AFTPH: variants seen among roughly 807,000 people sequenced by gnomAD.
AFTPH encodes the protein aftiphilin, also known as aftiphilin protein.
Under a neutral mutation model 72.5 loss-of-function variants are expected in AFTPH, and 7 were observed. The ratio of observed to expected loss-of-function variants is 0.10; its 90% confidence interval spans 0.05 to 0.18. The LOEUF is 0.18. AFTPH is among the 10% of genes least tolerant of loss of function. The pLI is 1.00. For missense variants in AFTPH, 979 were observed against 1,060.5 expected (o/e 0.92, Z 1.07); for synonymous variants, 337 against 370.1 (o/e 0.91, Z 1.03).
chr2:64,589,020 C>T (rs559137691), intron 8 of AFTPH, among the ~76,000 whole-genome samples: 1 of 152,290 alleles, frequency 6.6e-6, no homozygotes, highest in East Asian at 1.9e-4. Context: ...GTTGTCTTTT[C>T]ATTATCTTGA....
At chr2:64,585,707 T>C (rs1288003654) in intron 8 of AFTPH, among the ~76,000 whole-genome samples, 162 bp downstream of exon 9, 1 of 152,216 alleles carries the variant, frequency 6.6e-6, no homozygotes, top group Non-Finnish European at 1.5e-5. Flanking sequence ...AAATTATGTT[T>C]AATTATGAAC....
chr2:64,567,121 G>C (rs943915097), intron 2 of AFTPH, among the ~76,000 whole-genome samples: 2 of 152,124 alleles, frequency 1.3e-5, no homozygotes, highest in African/African-American at 4.8e-5. Context: ...CAATCTTATT[G>C]TTCCTAAATC....
chr2:64,579,740 CAAATATAGGTAATA>C, intron 7 of AFTPH, 194 bp downstream of exon 7: 1 of 453,760 alleles, frequency 2.2e-6, no homozygotes, highest in South Asian at 6.0e-5. Context: ...TATTAATGTC[CAAATATAGGTAATA>C]GTAGTTAGGT....
At position 64,582,382 on chromosome 2, in the gene AFTPH, A is replaced by G. The variant is rs1029618201; in HGVS notation, c.2455+2836A>G. ...GCCCTTCTTGAGATCTGGTTATGCAAATCTGATTCTGCTGCAGGGAAGTTC... is the reference window on the plus strand; with the variant it reads ...GCCCTTCTTGAGATCTGGTTATGCAGATCTGATTCTGCTGCAGGGAAGTTC... On this transcript the variant is annotated intron_variant, in intron 7 of 8. Coordinates refer to ENST00000238856, the Ensembl canonical transcript of AFTPH. 2.0e-5 allele frequency among the ~76,000 whole-genome samples: 3 copies of G among 152,288 alleles called. No homozygotes were observed. In the East Asian group the frequency reaches 5.8e-4, roughly 29 times the overall value.
chr2:64,573,157 GT>G lies in AFTPH; in HGVS notation c.2394+93del, dbSNP rs879221125. 1.4e-5 allele frequency: 14 copies of G among 984,102 alleles called. No individual in the cohort carries two copies. The South Asian group carries it at 2.3e-4, about 16-fold the overall frequency. 61.0% of individuals were successfully genotyped at this position (984,102 alleles called of 1,614,324 possible). On this transcript the variant is annotated intron_variant, in intron 6 of 8. Coordinates refer to ENST00000238856, the Ensembl canonical transcript of AFTPH. ...CTGCCTTTTTCCTTCATTTATGACTGTTTTAAAAATATTTGTAAAGCTTGAT... is the reference window on the plus strand; with the variant it reads ...CTGCCTTTTTCCTTCATTTATGACTGTTTAAAAATATTTGTAAAGCTTGAT...
At chr2:64,587,127 AC>A (rs1343523654) in intron 8 of AFTPH, among the ~76,000 whole-genome samples, 3 of 152,218 alleles carry the variant, frequency 2.0e-5, no homozygotes, top group African/African-American at 7.2e-5. Flanking sequence ...CATCCTTGAA[AC>A]ATGCTGAATC....
chr2:64,571,807 T>G (rs1384593243), intron 5 of AFTPH, among the ~76,000 whole-genome samples: 1 of 152,238 alleles, frequency 6.6e-6, no homozygotes, highest in Admixed American at 6.5e-5. Flanking sequence ...ACAGTTTGAC[T>G]TTTTTCAGGC....
intron 8 of AFTPH, among the ~76,000 whole-genome samples, chr2:64,586,360 A>G (rs1386477879): frequency 6.6e-6 from 1 of 152,244 alleles, no homozygotes; most frequent in Non-Finnish European, 1.5e-5. Context: ...CTACTTTAAA[A>G]GAAGTGTTAT....
At chr2:64,551,553 G>C (rs760899077) in exon 2 of AFTPH, 7 of 1,613,992 alleles carry the variant, frequency 4.3e-6, no homozygotes, top group Non-Finnish European at 5.9e-6. Context: ...TGATGATGAT[G>C]AATTTGGGGA....
chr2:64,535,014 T>G (rs1226603912), intron 1 of AFTPH, among the ~76,000 whole-genome samples: 1 of 152,190 alleles, frequency 6.6e-6, no homozygotes, highest in East Asian at 1.9e-4. Flanking sequence ...TATTGTAAAC[T>G]CCTTGTTTTT....
chr2:64,560,528 C>T (rs964799087), intron 2 of AFTPH, among the ~76,000 whole-genome samples: 7 of 152,154 alleles, frequency 4.6e-5, no homozygotes, highest in African/African-American at 1.2e-4. Context: ...AGGATGCATA[C>T]GACTTTCCTG....
intron 6 of AFTPH, among the ~76,000 whole-genome samples, chr2:64,575,729 GTGTGTGTGTGTGTA>G (rs965012946): frequency 1.5e-5 from 1 of 64,610 alleles, no homozygotes; most frequent in Non-Finnish European, 3.4e-5. Flanking sequence ...GTGTGTGTGT[GTGTGTGTGTGTGTA>G]TATATTTTTT....
At chr2:64,552,432 C>G in exon 2 of AFTPH, 1 of 1,614,132 alleles carries the variant, frequency 6.2e-7, no homozygotes, top group Non-Finnish European at 8.5e-7. Context: ...CCTTCCAACA[C>G]TGCAACAGGA....
intron 1 of AFTPH, among the ~76,000 whole-genome samples, chr2:64,548,530 G>A (rs541252154): frequency 6.8e-6 from 1 of 147,504 alleles, no homozygotes; most frequent in Non-Finnish European, 1.5e-5. Context: ...GCAGCATTTT[G>A]TTTTAGATTT....
At chr2:64,564,416 C>T (rs1016420093) in intron 2 of AFTPH, among the ~76,000 whole-genome samples, 1 of 152,082 alleles carries the variant, frequency 6.6e-6, no homozygotes, top group Non-Finnish European at 1.5e-5. Context: ...TTATCATCCA[C>T]CTCGTGAGGT....
At chr2:64,568,572 A>G (rs1672230038) in intron 3 of AFTPH, among the ~76,000 whole-genome samples, 1 of 152,150 alleles carries the variant, frequency 6.6e-6, no homozygotes, top group Non-Finnish European at 1.5e-5. Flanking sequence ...CTCACATTCA[A>G]TTTATAGTTT....
intron 1 of AFTPH, among the ~76,000 whole-genome samples, chr2:64,539,768 C>T (rs1277050652): frequency 1.3e-5 from 2 of 152,158 alleles, no homozygotes; most frequent in Admixed American, 1.3e-4. Context: ...TAAAGTAACT[C>T]TTGAAAGAGC....
chr2:64,536,388 G>A lies in AFTPH; in HGVS notation c.-33+11776G>A, dbSNP rs1478084088. Among the ~76,000 whole-genome samples, 6 of 151,936 alleles carry A rather than the reference G, an allele frequency of 3.9e-5. No individual in the cohort carries two copies. The South Asian group carries it at 1.2e-3, about 32-fold the overall frequency. Reference sequence around the variant, plus strand: ...TTGAGACCAGCCTGGCCAACATGGTGAAACCGCATCTCTAATAAAAATAAA... The same window carrying A: ...TTGAGACCAGCCTGGCCAACATGGTAAAACCGCATCTCTAATAAAAATAAA... On this transcript the variant is annotated intron_variant, in intron 1 of 8. Transcript: ENST00000238856.
chr2:64,536,529 T>C (rs1019367073), intron 1 of AFTPH, among the ~76,000 whole-genome samples: 4 of 134,756 alleles, frequency 3.0e-5, no homozygotes, highest in Non-Finnish European at 4.6e-5. Context: ...GCCACTGCAC[T>C]CCAGCCTGGG....
Sources: gnomAD v4.1 joint callset for allele counts (sites outside exome capture counted in the v4.1 genomes callset) on GRCh38, gnomAD v4.1.1 for gene constraint, MANE v1.5 for transcripts, NCBI Gene and HGNC (gene_info 2026-07-23, HGNC 2026-07-21) for gene names.